The following KCNMA1 variants were observed in gnomAD, a reference collection of about 807,000 sequenced individuals.
The protein encoded by KCNMA1 is Calcium-activated potassium channel subunit alpha-1.
A neutral mutation model predicts 140.0 loss-of-function variants in KCNMA1; 29 were observed. The observed-to-expected ratio is 0.21, with a 90% CI of 0.15 to 0.28. KCNMA1 has a LOEUF of 0.28. KCNMA1 is among the 10% of genes least tolerant of loss of function. The pLI is 1.00. For missense variants in KCNMA1, 880 were observed against 1,602.2 expected, an observed-to-expected ratio of 0.55 and a Z score of 7.70; for synonymous variants, 612 against 611.9, an observed-to-expected ratio of 1.00 and a Z score of 0.00.
chr10:77,253,275 T>C (rs2060035158), intron 2 of KCNMA1, among the ~76,000 whole-genome samples: 1 of 152,226 alleles, frequency 6.6e-6, no homozygotes, highest in Non-Finnish European at 1.5e-5. Context: ...CCTGTCCATT[T>C]GGCTCCCTGT....
intron 5 of KCNMA1, among the ~76,000 whole-genome samples, chr10:77,168,562 G>T (rs2098668601): frequency 6.6e-6 from 1 of 152,054 alleles, no homozygotes; most frequent in Non-Finnish European, 1.5e-5. Context: ...ACATATAAAA[G>T]ATACAGTAAA....
At chr10:77,533,316 C>T (rs778804633) in intron 1 of KCNMA1, among the ~76,000 whole-genome samples, 11 of 152,154 alleles carry the variant, frequency 7.2e-5, no homozygotes, top group African/African-American at 1.2e-4. Flanking sequence ...CACACAGAAG[C>T]GGCTGCATGA....
chr10:76,943,836 G>A (rs2063224387), intron 23 of KCNMA1, among the ~76,000 whole-genome samples: 1 of 152,180 alleles, frequency 6.6e-6, no homozygotes, highest in Admixed American at 6.5e-5. Context: ...CTGGCATGAT[G>A]GGGAGGAGGT....
chr10:77,090,598 G>A (rs2096790083), intron 9 of KCNMA1, 88 bp from the exon 10 acceptor site: 7 of 855,042 alleles, frequency 8.2e-6, no homozygotes, highest in Non-Finnish European at 1.2e-5. Context: ...AAGCCAGGCA[G>A]CTGCAGGGGA....
At chr10:77,362,362 A>AT (rs2094035041) in intron 2 of KCNMA1, among the ~76,000 whole-genome samples, 1 of 8,216 alleles carries the variant, frequency 1.2e-4, no homozygotes, top group Non-Finnish European at 2.6e-4. Flanking sequence ...CACCCCCCCC[A>AT]CCCCACACAC....
At chr10:77,128,893 C>T (rs574762088) in intron 5 of KCNMA1, among the ~76,000 whole-genome samples, 1 of 152,298 alleles carries the variant, frequency 6.6e-6, no homozygotes, top group South Asian at 2.1e-4. Context: ...GGGCCTGATA[C>T]TGTGCATTTC....
chr10:77,615,071 C>T (rs573777479), intron 1 of KCNMA1, among the ~76,000 whole-genome samples: 17 of 152,286 alleles, frequency 1.1e-4, no homozygotes, highest in African/African-American at 4.1e-4. Flanking sequence ...GAGACAAATA[C>T]CAGATGTTAA....
downstream of KCNMA1, chr10:76,875,433 G>C (rs954249142): frequency 6.6e-6 from 1 of 152,084 alleles, no homozygotes; most frequent in African/African-American, 2.4e-5. Flanking sequence ...AAAAAGTTTA[G>C]ATTAAAATTT....
intron 1 of KCNMA1, among the ~76,000 whole-genome samples, chr10:77,627,728 G>C (rs2092702308): frequency 6.6e-6 from 1 of 152,196 alleles, no homozygotes; most frequent in Non-Finnish European, 1.5e-5. Flanking sequence ...ACACAGACTA[G>C]AAGCAAACAA....
At chr10:76,952,387 G>C (rs1471219942) in intron 21 of KCNMA1, among the ~76,000 whole-genome samples, 1 of 152,156 alleles carries the variant, frequency 6.6e-6, no homozygotes, top group Non-Finnish European at 1.5e-5. Context: ...GGGTATGGTG[G>C]CGCGAACCTA....
At chr10:76,869,869 C>T (rs1405499627) in exon 28 of KCNMA1, 1 of 152,572 alleles carries the variant, frequency 6.6e-6, no homozygotes, top group Non-Finnish European at 1.5e-5. Context: ...CCTCAATGAA[C>T]ATGTAGGCTG....
rs190770256 is a variant in KCNMA1, at chr10:77,376,894, T to C, written c.540+26968A>G. Among the ~76,000 whole-genome samples, 394 of 152,176 alleles carry C rather than the reference T, an allele frequency of 2.6e-3. 1 individual carries two copies. The highest frequency in any genetic ancestry group is 4.6e-3 in the Non-Finnish European group (311 of 68,024). ...CAGAGGTTGTAGTGAGCCGAGATCG[T>C]GCCACTGCACTCCAGCCTGGGTGAC... On this transcript the variant is annotated intron_variant, in intron 2 of 27. Coordinates refer to ENST00000286628, the MANE Select transcript of KCNMA1 (RefSeq NM_001161352.2).
chr10:77,453,670 G>A (rs1414742955), intron 1 of KCNMA1, among the ~76,000 whole-genome samples: 2 of 152,176 alleles, frequency 1.3e-5, no homozygotes, highest in South Asian at 4.1e-4. Context: ...CTGGATTCCA[G>A]CAAGGCCAAG....
At chr10:77,452,962 T>C (rs2097690617) in intron 1 of KCNMA1, among the ~76,000 whole-genome samples, 1 of 152,186 alleles carries the variant, frequency 6.6e-6, no homozygotes, top group East Asian at 1.9e-4. Context: ...GGAAAGTTCC[T>C]TAATCTCATC....
At chr10:77,507,548 G>A (rs910048476) in intron 1 of KCNMA1, among the ~76,000 whole-genome samples, 1 of 152,166 alleles carries the variant, frequency 6.6e-6, no homozygotes, top group Non-Finnish European at 1.5e-5. Context: ...CAGGCTCCAC[G>A]CTCCTGGGTG....
At chr10:77,165,833 C>T (rs1284443149) in intron 5 of KCNMA1, among the ~76,000 whole-genome samples, 3 of 152,190 alleles carry the variant, frequency 2.0e-5, no homozygotes, top group Non-Finnish European at 4.4e-5. Context: ...AACGTAGGAC[C>T]TTATTTCGGC....
intron 1 of KCNMA1, among the ~76,000 whole-genome samples, chr10:77,450,098 T>C (rs563061062): frequency 6.6e-6 from 1 of 152,152 alleles, no homozygotes; most frequent in Non-Finnish European, 1.5e-5. Context: ...TTTATTTATT[T>C]GAGACACAGT....
chr10:77,110,424 C>T, intron 7 of KCNMA1, 81 bp from the exon 8 acceptor site: 13 of 1,207,710 alleles, frequency 1.1e-5, no homozygotes, highest in Non-Finnish European at 1.6e-5. Context: ...AAGCTCGGCA[C>T]TCTCGAAGGC....
intron 3 of KCNMA1, among the ~76,000 whole-genome samples, chr10:77,235,371 T>C (rs910491070): frequency 6.6e-6 from 1 of 152,120 alleles, no homozygotes; most frequent in African/African-American, 2.4e-5. Context: ...GGAAGTTAAA[T>C]TGGAGCAGGG....
Sources: gnomAD v4.1 joint callset for allele counts (sites outside exome capture counted in the v4.1 genomes callset) on GRCh38, gnomAD v4.1.1 for gene constraint, MANE v1.5 for transcripts, NCBI Gene and HGNC (gene_info 2026-07-23, HGNC 2026-07-21) for gene names.